Variants in VOPP1 observed in about 807,000 individuals in gnomAD.
VOPP1 encodes the protein WW domain binding protein VOPP1.
VOPP1 carries 8 observed loss-of-function variants against 23.5 expected under a neutral mutation model. The observed-to-expected ratio is 0.34, with a 90% CI of 0.20 to 0.61. VOPP1 has a LOEUF of 0.61. VOPP1 is among the 20% of genes least tolerant of loss of function. The pLI is 0.78. For missense variants in VOPP1, 174 were observed against 238.1 expected (o/e 0.73, Z 1.77); for synonymous variants, 83 against 97.3 (o/e 0.85, Z 0.86).
intron 1 of VOPP1, among the ~76,000 whole-genome samples, chr7:55,549,415 C>T (rs1226251514): frequency 6.6e-6 from 1 of 152,210 alleles, no homozygotes; most frequent in Non-Finnish European, 1.5e-5. Context: ...ACCCCCAAAT[C>T]CGTAGCCAGT....
intron 2 of VOPP1, among the ~76,000 whole-genome samples, chr7:55,507,365 G>A (rs534871618): frequency 4.9e-4 from 74 of 152,326 alleles, no homozygotes; most frequent in South Asian, 1.2e-3. Flanking sequence ...GGAACATGTG[G>A]TGGGTGAGCT....
chr7:55,496,497 C>A (rs554680494), intron 3 of VOPP1, among the ~76,000 whole-genome samples: 1 of 152,334 alleles, frequency 6.6e-6, no homozygotes, highest in East Asian at 1.9e-4. Flanking sequence ...GGACCTGACA[C>A]CAGCTCCCTT....
At chr7:55,440,935 T>C (rs2128999111) in intron 4 of VOPP1, among the ~76,000 whole-genome samples, 1 of 152,318 alleles carries the variant, frequency 6.6e-6, no homozygotes, top group South Asian at 2.1e-4. Context: ...CAAAACCATG[T>C]TCAGGGATCA....
rs1796645493 is a variant in VOPP1 at position 55,534,125 on chromosome 7, A to G, written c.55-12995T>C. Reference sequence around the variant, plus strand: ...TAAAATCCGTGAAGGAAATCATTTCATGTAGCTTTTTTTTTTTTTTTACGA... The same window carrying G: ...TAAAATCCGTGAAGGAAATCATTTCGTGTAGCTTTTTTTTTTTTTTTACGA... On this transcript the variant is annotated intron_variant, in intron 1 of 4. Transcript: ENST00000285279. Among the ~76,000 whole-genome samples the G allele has an allele frequency of 5.4e-5, 6 of 111,616 alleles. No individual in the cohort carries two copies. In the South Asian group the frequency reaches 2.0e-3, roughly 38 times the overall value. 73.2% of individuals were successfully genotyped at this position (111,616 alleles called of 152,430 possible). A position where few individuals can be genotyped will look rare whatever the true frequency, so the allele number is the denominator to read the frequency against.
intron 4 of VOPP1, among the ~76,000 whole-genome samples, chr7:55,475,872 G>A (rs1218855970): frequency 6.6e-6 from 1 of 152,242 alleles, no homozygotes; most frequent in South Asian, 2.1e-4. Flanking sequence ...AATGGCATGG[G>A]ATGGGGATTG....
chr7:55,479,241 G>T (rs1201836799), intron 4 of VOPP1, among the ~76,000 whole-genome samples: 2 of 151,452 alleles, frequency 1.3e-5, no homozygotes, highest in African/African-American at 2.4e-5. Flanking sequence ...TGCCATGCTG[G>T]TGTGCTGCAC....
chr7:55,561,937 A>G (rs1339056563), intron 1 of VOPP1: 1 of 703,142 alleles, frequency 1.4e-6, no homozygotes, highest in African/African-American at 1.7e-5. Flanking sequence ...AGTCAAAGGA[A>G]TGGGAAAACA....
At chr7:55,481,250 G>A (rs141247318) in intron 4 of VOPP1, among the ~76,000 whole-genome samples, 1,794 of 152,348 alleles carry the variant, frequency 0.012, 13 homozygotes, top group Middle Eastern at 0.02. Flanking sequence ...GGCCACAGGA[G>A]AGGCCAGAGC....
rs815957 is a variant in VOPP1, at chr7:55,473,014, G to A, written c.360C>T (p.Thr120=). The part of the protein sequence containing the change: ...GAQQPGPPYY[T]DPGGPGMNPV... The stretch of plus-strand genomic sequence containing the variant: ...GGTTCATCCCCGGTCCTCCTGGGTC[G>A]GTGTAATAGGGCGGCCCCGGCTGCT... Residue 120 remains threonine, a synonymous_variant, in exon 5 of 5, where the codon ACC becomes ACT. Transcript: ENST00000285279. The A allele has an allele frequency of 0.31, 501,221 of 1,596,994 alleles. 82,618 individuals carry two copies. Among genetic ancestry groups the A allele is most frequent in the Admixed American group, 0.53 (29,721 of 55,960 alleles).
chr7:55,486,020 G>C (rs1429349896), intron 4 of VOPP1, among the ~76,000 whole-genome samples: 1 of 152,242 alleles, frequency 6.6e-6, no homozygotes, highest in Non-Finnish European at 1.5e-5. Flanking sequence ...AAATGTGAGG[G>C]AGACCCTTGG....
At chr7:55,441,357 C>T (rs1266530265) in intron 4 of VOPP1, among the ~76,000 whole-genome samples, 1 of 152,214 alleles carries the variant, frequency 6.6e-6, no homozygotes, top group Non-Finnish European at 1.5e-5. Flanking sequence ...GCGTCACAGA[C>T]ATCATCTGCT....
chr7:55,489,442 T>C (rs1394313774), intron 4 of VOPP1, among the ~76,000 whole-genome samples: 2 of 152,244 alleles, frequency 1.3e-5, no homozygotes, highest in Admixed American at 6.5e-5. Flanking sequence ...CCTGGAGTTG[T>C]GCACCAGATG....
chr7:55,522,612 G>A (rs1176107780), intron 1 of VOPP1, among the ~76,000 whole-genome samples: 3 of 152,180 alleles, frequency 2.0e-5, no homozygotes, highest in Non-Finnish European at 2.9e-5. Flanking sequence ...CACCGCCACC[G>A]ACAGCCAAAC....
At chr7:55,547,046 A>G (rs1797395677) in intron 1 of VOPP1, among the ~76,000 whole-genome samples, 1 of 152,260 alleles carries the variant, frequency 6.6e-6, no homozygotes, top group South Asian at 2.1e-4. Context: ...AGACTGGCAG[A>G]AGGCCATGCA....
chr7:55,549,206 A>G (rs1797495847), intron 1 of VOPP1, among the ~76,000 whole-genome samples: 1 of 152,178 alleles, frequency 6.6e-6, no homozygotes, highest in African/African-American at 2.4e-5. Flanking sequence ...TTAATCATAA[A>G]CCACTCCAAA....
intron 2 of VOPP1, among the ~76,000 whole-genome samples, chr7:55,505,941 T>G (rs1794693465): frequency 6.6e-6 from 1 of 152,228 alleles, no homozygotes; most frequent in African/African-American, 2.4e-5. Context: ...AACAGGACAG[T>G]GTCAGATCAC....
chr7:55,489,883 G>A (rs1360644335), intron 4 of VOPP1, among the ~76,000 whole-genome samples: 3 of 152,060 alleles, frequency 2.0e-5, no homozygotes, highest in Non-Finnish European at 4.4e-5. Flanking sequence ...CCCTGGCAGG[G>A]GACCCAGGGA....
intron 2 of VOPP1, among the ~76,000 whole-genome samples, chr7:55,509,602 G>A (rs1794944040): frequency 6.6e-6 from 1 of 152,176 alleles, no homozygotes; most frequent in Admixed American, 6.5e-5. Flanking sequence ...CAGCTGGTTA[G>A]CTGTTATAAG....
chr7:55,531,181 G>A (rs942684327), intron 1 of VOPP1, among the ~76,000 whole-genome samples: 2 of 152,224 alleles, frequency 1.3e-5, no homozygotes, highest in Admixed American at 6.5e-5. Context: ...ATGAGTGGGA[G>A]ACTTCATTAG....
Sources: gnomAD v4.1 joint callset for allele counts (sites outside exome capture counted in the v4.1 genomes callset) on GRCh38, gnomAD v4.1.1 for gene constraint, MANE v1.5 for transcripts, NCBI Gene and HGNC (gene_info 2026-07-23, HGNC 2026-07-21) for gene names.